Variants in ABCB5 observed in about 807,000 individuals in gnomAD.
ABCB5 encodes the protein ATP-binding cassette sub-family B member 5.
ABCB5 carries 155 observed loss-of-function variants against 144.2 expected under a neutral mutation model. The ratio of observed to expected loss-of-function variants is 1.08; its 90% CI spans 0.94 to 1.23. The LOEUF is 1.23. Ranked by LOEUF, ABCB5 falls within the 50% of genes most tolerant of loss-of-function variation. The probability of loss-of-function intolerance (pLI) is 0.00; values close to 1 mark genes in which losing one functional copy is unlikely to be tolerated. For missense variants in ABCB5, 1,830 were observed against 1,520.8 expected (o/e 1.20, Z -3.38); for synonymous variants, 610 against 528.6 (o/e 1.15, Z -2.11).
intron 15 of ABCB5, among the ~76,000 whole-genome samples, chr7:20,685,391 C>T (rs1785962354): frequency 6.6e-6 from 1 of 152,130 alleles, no homozygotes; most frequent in South Asian, 2.1e-4. Flanking sequence ...TCTCAAAAAG[C>T]TCCTGTTACT....
At chr7:20,728,965 T>C (rs1583456027) in intron 23 of ABCB5, among the ~76,000 whole-genome samples, 1 of 152,132 alleles carries the variant, frequency 6.6e-6, no homozygotes, top group Admixed American at 6.6e-5. Flanking sequence ...GTTACACATA[T>C]TTTAGGGGTA....
In ABCB5 at chr7:20,723,185, AC is replaced by A. The variant is rs1356534536; in HGVS notation, c.2592del (p.Asn864LysfsTer13). 1 of 1,614,090 alleles carries A rather than the reference AC, an allele frequency of 6.2e-7. No individual in the cohort carries two copies. Among genetic ancestry groups the A allele is most frequent in the East Asian group, 2.2e-5 (1 of 44,884 alleles). Reference sequence around the variant, plus strand: ...ACCGCAGCAATGACTGGATTTGCCAACAAAGATAAGCAAGAACTTAAGCATG... The same window carrying A: ...ACCGCAGCAATGACTGGATTTGCCAAAAAGATAAGCAAGAACTTAAGCATG... ...IETAAMTGFA[N>X]KDKQELKHAG... is the part of the protein sequence containing the mutation. On this transcript the variant is annotated frameshift_variant, in exon 21 of 28. Transcript: ENST00000404938. LOFTEE classifies it high-confidence loss of function.
At chr7:20,617,112 T>C (rs1244814633) in intron 1 of ABCB5, among the ~76,000 whole-genome samples, 1 of 152,176 alleles carries the variant, frequency 6.6e-6, no homozygotes, top group Non-Finnish European at 1.5e-5. Flanking sequence ...ATTTTCCTTA[T>C]TTATGTATGC....
intron 16 of ABCB5, among the ~76,000 whole-genome samples, chr7:20,686,757 C>T (rs1430410147): frequency 6.6e-6 from 1 of 152,128 alleles, no homozygotes; most frequent in Non-Finnish European, 1.5e-5. Flanking sequence ...CCATTGTTTC[C>T]TCCCAAACTA....
intron 5 of ABCB5, among the ~76,000 whole-genome samples, chr7:20,637,091 A>G (rs1784175059): frequency 6.6e-6 from 1 of 152,160 alleles, no homozygotes; most frequent in African/African-American, 2.4e-5. Context: ...GCTAAAATTG[A>G]TTAGCATCTG....
chr7:20,663,076 G>A (rs1329525163), intron 14 of ABCB5, among the ~76,000 whole-genome samples: 1 of 152,162 alleles, frequency 6.6e-6, no homozygotes, highest in African/African-American at 2.4e-5. Flanking sequence ...GTAATAGGTA[G>A]GCACAGTGAA....
rs188607462 is a variant in ABCB5, at chr7:20,681,493, T to C, written c.1708-12T>C. ...TAATGTCTATTTATTTTCTATGCAT[T>C]TTATTCTGTAGGCGAGCAAAGGTCG... On this transcript the variant is annotated splice_polypyrimidine_tract_variant and intron_variant, in intron 14 of 27. Transcript: ENST00000404938. 1.6e-3 allele frequency: 2,525 copies of C among 1,613,688 alleles called. 7 individuals are homozygous for C. Among genetic ancestry groups the C allele is most frequent in the Non-Finnish European group, 1.9e-3 (2,202 of 1,179,754 alleles).
chr7:20,740,330 A>T lies in ABCB5; in HGVS notation c.3024+1191A>T, dbSNP rs182033967. Among the ~76,000 whole-genome samples, 422 of 152,354 alleles carry T rather than the reference A, an allele frequency of 2.8e-3. 2 individuals are homozygous for T. Among genetic ancestry groups the T allele is most frequent in the African/African-American group, 9.5e-3 (397 of 41,594 alleles). On this transcript the variant is annotated intron_variant, in intron 24 of 27. Coordinates refer to ENST00000404938, the MANE Select transcript of ABCB5 (RefSeq NM_001163941.2). The stretch of plus-strand genomic sequence containing the variant: ...TACTTTTCTAGACATTTTAATTTTT[A>T]AAATAAAAATAGTCCATTAGGTATA...
Position 20,651,507 on chromosome 7 carries a change from T to C in ABCB5, c.1420T>C (p.Phe474Leu), listed in dbSNP as rs746223294. The change falls in exon 13 of 28, where the codon TTC becomes CTC. Residue 474 changes from phenylalanine to leucine, a missense_variant. Transcript: ENST00000404938. ...AGTGGTTAGTCAAGAGCCTGTTTTG[T>C]TCGGGACCACCATCAGTAACAATAT... The part of the protein sequence containing the change: ...IGVVSQEPVL[F>L]GTTISNNIKY... The C allele has an allele frequency of 6.2e-7, 1 of 1,614,126 alleles. No homozygotes were observed. Among genetic ancestry groups the C allele is most frequent in the Non-Finnish European group, 8.5e-7 (1 of 1,180,012 alleles).
Position 20,658,634 on chromosome 7 carries a change from G to A in ABCB5, c.1665G>A (p.Leu555=), listed in dbSNP as rs749117147. The A allele has an allele frequency of 1.2e-6, 2 of 1,614,158 alleles. No individual in the cohort carries two copies. Among genetic ancestry groups the A allele is most frequent in the East Asian group, 2.2e-5 (1 of 44,884 alleles). ...ILILDEATSA[L]DSESKSAVQA... ...TTTTAGATGAGGCTACGTCTGCCCTGGATTCAGAAAGCAAGTCAGCTGTTC... is the reference window on the plus strand; with the variant it reads ...TTTTAGATGAGGCTACGTCTGCCCTAGATTCAGAAAGCAAGTCAGCTGTTC... Residue 555 remains leucine (L), a synonymous_variant, in exon 14 of 28, where the codon CTG becomes CTA. Coordinates refer to ENST00000404938, the MANE Select transcript of ABCB5 (RefSeq NM_001163941.2).
chr7:20,647,018 T>G (rs1232784221), intron 9 of ABCB5, among the ~76,000 whole-genome samples: 1 of 152,234 alleles, frequency 6.6e-6, no homozygotes, highest in East Asian at 1.9e-4. Context: ...GATTCTTTTC[T>G]TATTTGACTT....
rs1352870722 is a variant in ABCB5 at position 20,704,806 on chromosome 7, G to GCT, written c.2420_2421insCT (p.Ala808Ter). ...GCCATAGATATAGCACAAATTCAAG[G>GCT]AGTATGTATATTGTTTTTATTGTAA... On this transcript the variant is annotated frameshift_variant and splice_region_variant, in exon 20 of 28. Coordinates refer to ENST00000404938, the MANE Select transcript of ABCB5 (RefSeq NM_001163941.2). LOFTEE classifies it high-confidence loss of function. 6.2e-7 allele frequency: 1 copy of GCT among 1,609,696 alleles called. No individual in the cohort carries two copies. The highest frequency in any genetic ancestry group is 8.5e-7 in the Non-Finnish European group (1 of 1,176,626).
At chr7:20,634,513 C>A (rs1168190650) in intron 5 of ABCB5, among the ~76,000 whole-genome samples, 1 of 152,054 alleles carries the variant, frequency 6.6e-6, no homozygotes, top group Non-Finnish European at 1.5e-5. Flanking sequence ...ACGTTACCCC[C>A]AATAGTGTAT....
rs144013668 is a variant in ABCB5, at chr7:20,741,271, T to C, written c.3025-1606T>C. ...AAAAATCGTAAGAATAAATTTTAAA[T>C]GTATTAAATTTAGAAGTTTTCTAGA... On this transcript the variant is annotated intron_variant, in intron 24 of 27. Transcript: ENST00000404938. Among the ~76,000 whole-genome samples, 44 of 152,222 alleles carry C rather than the reference T, an allele frequency of 2.9e-4. 1 individual carries two copies. Among genetic ancestry groups the C allele is most frequent in the Admixed American group, 1.9e-3 (29 of 15,292 alleles).
chr7:20,689,622 G>C lies in ABCB5; in HGVS notation c.2010+3786G>C, dbSNP rs534399606. Among the ~76,000 whole-genome samples, 9 of 152,222 alleles carry C rather than the reference G, an allele frequency of 5.9e-5. No homozygotes were observed. In the South Asian group the frequency reaches 1.9e-3, roughly 32 times the overall value. ...ACCCAGTGGCCACACAGAAGAGAAA[G>C]CTGCATTCTGCAGGCACCTGCCTCT... On this transcript the variant is annotated intron_variant, in intron 16 of 27. Coordinates refer to ENST00000404938, the MANE Select transcript of ABCB5 (RefSeq NM_001163941.2).
At chr7:20,668,694 G>A (rs1365713748) in intron 14 of ABCB5, among the ~76,000 whole-genome samples, 7 of 142,748 alleles carry the variant, frequency 4.9e-5, no homozygotes, top group Non-Finnish European at 9.1e-5. Flanking sequence ...CCCTCTGCCC[G>A]GCCAGTCGCC....
At chr7:20,700,308 C>T (rs926709822) in intron 19 of ABCB5, among the ~76,000 whole-genome samples, 173 bp downstream of exon 19, 3 of 152,066 alleles carry the variant, frequency 2.0e-5, no homozygotes, top group Non-Finnish European at 4.4e-5. Context: ...CTAAAAGAAG[C>T]AAGTCCAAAA....
intron 20 of ABCB5, among the ~76,000 whole-genome samples, chr7:20,715,606 T>C (rs144413902): frequency 6.6e-6 from 1 of 152,110 alleles, no homozygotes; most frequent in South Asian, 2.1e-4. Flanking sequence ...GACAGAGTCT[T>C]GCATGGTTGC....
intron 14 of ABCB5, among the ~76,000 whole-genome samples, chr7:20,668,331 G>C (rs1209385920): frequency 6.8e-5 from 10 of 146,094 alleles, no homozygotes; most frequent in African/African-American, 2.3e-4. Context: ...GTCTCTGCCC[G>C]GCCGCCCATC....
Sources: allele counts gnomAD v4.1 joint callset (sites outside exome capture counted in the v4.1 genomes callset), GRCh38; gene constraint gnomAD v4.1.1; transcripts MANE v1.5; gene names NCBI Gene and HGNC (gene_info 2026-07-23, HGNC 2026-07-21).